The following CFAP77 variants were observed in gnomAD, a reference collection of about 807,000 sequenced individuals.
CFAP77 encodes the protein cilia and flagella associated protein 77.
In CFAP77, 25 loss-of-function variants were observed where a neutral mutation model predicts 31.1. The ratio of observed to expected loss-of-function variants is 0.80; its 90% CI spans 0.59 to 1.12. The LOEUF (loss-of-function observed/expected upper bound fraction) is 1.12, where lower values mean the gene tolerates loss of function less well. Among genes scored for constraint, CFAP77 ranks in the 50% most tolerant of loss-of-function variants. CFAP77 has a pLI of 0.00. For missense variants in CFAP77, 377 were observed against 397.3 expected (o/e 0.95, Z 0.44); for synonymous variants, 151 against 159.9 (o/e 0.94, Z 0.42).
chr9:132,562,537 T>C lies in CFAP77; in HGVS notation c.733-9851T>C, dbSNP rs894763974. On this transcript the variant is annotated intron_variant, in intron 5 of 5. Coordinates refer to ENST00000393216, the MANE Select transcript of CFAP77 (RefSeq NM_001282957.2). ...TCTGTAAATTTTTTTTCATGCAACG[T>C]TGGGTTTTTGAGATTCATGCACATT... 2.6e-5 allele frequency among the ~76,000 whole-genome samples: 4 copies of C among 152,066 alleles called. No individual in the cohort carries two copies. In the South Asian group the frequency reaches 8.3e-4, roughly 32 times the overall value.
At chr9:132,510,641 C>CCCAGCCAGGAGCCAG (rs1852020191) in intron 3 of CFAP77, among the ~76,000 whole-genome samples, 1 of 152,210 alleles carries the variant, frequency 6.6e-6, no homozygotes, top group Non-Finnish European at 1.5e-5. Context: ...CCAGGAGGAG[C>CCCAGCCAGGAGCCAG]TGCAGGCAGG....
chr9:132,495,482 G>A lies in CFAP77; in HGVS notation c.196-3213G>A, dbSNP rs1276809180. 6.6e-6 allele frequency among the ~76,000 whole-genome samples: 1 copy of A among 152,198 alleles called. No homozygotes were observed. The highest frequency in any genetic ancestry group is 1.5e-5 in the Non-Finnish European group (1 of 68,042). ...CAAATGAGAGGCCAGAGCTTTGTCT[G>A]TAACTCAGAGAGCATAGTATGGAAG... is the stretch of plus-strand genomic sequence containing the variant. On this transcript the variant is annotated intron_variant, in intron 1 of 5. Coordinates refer to ENST00000393216, the MANE Select transcript of CFAP77 (RefSeq NM_001282957.2). The surrounding 1 kb of genome is among the most constrained non-coding windows in gnomAD (Gnocchi z 4.2).
intron 1 of CFAP77, among the ~76,000 whole-genome samples, chr9:132,494,351 C>T (rs1851703080): frequency 6.6e-6 from 1 of 152,192 alleles, no homozygotes; most frequent in African/African-American, 2.4e-5. Context: ...GGATAGCACC[C>T]TCTCCCAAAC....
chr9:132,439,521 C>CTA (rs1850577275), intron 1 of CFAP77, among the ~76,000 whole-genome samples: 1 of 152,064 alleles, frequency 6.6e-6, no homozygotes, highest in African/African-American at 2.4e-5. Flanking sequence ...AAATCAGCTG[C>CTA]TGTTATAGTT....
chr9:132,568,542 G>A (rs1829916678), intron 5 of CFAP77, among the ~76,000 whole-genome samples: 1 of 136,428 alleles, frequency 7.3e-6, no homozygotes, highest in South Asian at 2.3e-4. Context: ...GGCAACAAGA[G>A]TGAAACTCCG....
At chr9:132,551,836 G>C (rs1263657067) in intron 5 of CFAP77, among the ~76,000 whole-genome samples, 7 of 152,182 alleles carry the variant, frequency 4.6e-5, no homozygotes. Context: ...AACTGAGGTC[G>C]GGGGCCAGTG....
At chr9:132,471,345 C>G (rs983531154) in intron 1 of CFAP77, among the ~76,000 whole-genome samples, 1 of 152,146 alleles carries the variant, frequency 6.6e-6, no homozygotes, top group Non-Finnish European at 1.5e-5. Flanking sequence ...GTTGCAGGAG[C>G]CCCAGAGCCT....
At position 132,490,098 on chromosome 9, in the gene CFAP77, C is replaced by T. The variant is rs967522155; in HGVS notation, c.196-8597C>T. ...GGTGCTGTATCCCCCAGGGTGGGGA[C>T]GAATGCCGTATCCTCGCATGACAGA... On this transcript the variant is annotated intron_variant, in intron 1 of 5. Coordinates refer to ENST00000393216, the MANE Select transcript of CFAP77 (RefSeq NM_001282957.2). The surrounding 1 kb of genome is among the most constrained non-coding windows in gnomAD (Gnocchi z 4.6). Among the ~76,000 whole-genome samples, 2 of 151,888 alleles carry T rather than the reference C, an allele frequency of 1.3e-5. No homozygotes were observed. The highest frequency in any genetic ancestry group is 1.9e-4 in the East Asian group (1 of 5,176).
At position 132,540,350 on chromosome 9, in the gene CFAP77, G is replaced by C. The variant is rs73659081; in HGVS notation, c.631-2596G>C. Among the ~76,000 whole-genome samples, 1,058 of 152,218 alleles carry C rather than the reference G, an allele frequency of 7.0e-3. 14 individuals are homozygous for C. The highest frequency in any genetic ancestry group is 0.024 in the African/African-American group (988 of 41,474). On this transcript the variant is annotated intron_variant, in intron 4 of 5. Coordinates refer to ENST00000393216, the MANE Select transcript of CFAP77 (RefSeq NM_001282957.2). ...TCAAGCAGAGCCCCCAAAACAGCTC[G>C]TGTGGTTTGGAGCAGGTACCAGCTC...
At chr9:132,563,794 A>G (rs1196880323) in intron 5 of CFAP77, among the ~76,000 whole-genome samples, 1 of 152,188 alleles carries the variant, frequency 6.6e-6, no homozygotes, top group Admixed American at 6.5e-5. Flanking sequence ...GTTATTACCA[A>G]TCCGATGTGT....
chr9:132,540,366 G>T (rs1852619670), intron 4 of CFAP77, among the ~76,000 whole-genome samples: 1 of 152,308 alleles, frequency 6.6e-6, no homozygotes, highest in South Asian at 2.1e-4. Context: ...TTTGGAGCAG[G>T]TACCAGCTCT....
At chr9:132,465,305 C>T (rs968461960) in intron 1 of CFAP77, among the ~76,000 whole-genome samples, 2 of 152,090 alleles carry the variant, frequency 1.3e-5, no homozygotes, top group African/African-American at 4.8e-5. Context: ...TCATGGAATT[C>T]ATGTGCGAGA....
In CFAP77 at chr9:132,499,063, C is replaced by T. The variant is rs1042291745; in HGVS notation, c.295+269C>T. Among the ~76,000 whole-genome samples, 2 of 152,176 alleles carry T rather than the reference C, an allele frequency of 1.3e-5. No homozygotes were observed. Among genetic ancestry groups the T allele is most frequent in the South Asian group, 4.1e-4 (2 of 4,834 alleles). On this transcript the variant is annotated intron_variant, in intron 2 of 5. Coordinates refer to ENST00000393216, the MANE Select transcript of CFAP77 (RefSeq NM_001282957.2). The surrounding 1 kb of genome is among the most constrained non-coding windows in gnomAD (Gnocchi z 5.4). ...CCCCGCCGCCGGCAGGGACTGTGTG[C>T]ACTATGCTGCTCACGTTACAAGAAT...
At chr9:132,519,555 AATGGATGGATGGATGGATAG>A (rs1485333824) in intron 3 of CFAP77, among the ~76,000 whole-genome samples, 13 of 17,924 alleles carry the variant, frequency 7.3e-4, no homozygotes, top group African/African-American at 2.3e-3. Flanking sequence ...TAGATGGATG[AATGGATGGATGGATGGATAG>A]ATGGATGGAT....
chr9:132,499,400 G>C lies in CFAP77; in HGVS notation c.324G>C (p.Gln108His), dbSNP rs1370277879. ...TCGGACGCTGGAACGTGTTCAAGCAGCAGCCCACCTGCCCCCACGAGCTGA... is the reference window on the plus strand; with the variant it reads ...TCGGACGCTGGAACGTGTTCAAGCACCAGCCCACCTGCCCCCACGAGCTGA... ...EAIGRWNVFKQQPTCPHELTR... is the reference protein window; with the variant it reads ...EAIGRWNVFKHQPTCPHELTR... The change falls in exon 3 of 6, where the codon CAG (glutamine) becomes CAC (histidine). Residue 108 changes from glutamine (Q) to histidine (H), a missense_variant. Physicochemically the swap from Gln to His is conservative, Grantham distance 24 (BLOSUM62 0). Coordinates refer to ENST00000393216, the MANE Select transcript of CFAP77 (RefSeq NM_001282957.2). The surrounding 1 kb of genome is among the most constrained non-coding windows in gnomAD (Gnocchi z 5.4). 1 of 1,614,206 alleles carries C rather than the reference G, an allele frequency of 6.2e-7. No individual in the cohort carries two copies. The highest frequency in any genetic ancestry group is 1.7e-5 in the Admixed American group (1 of 60,034).
At chr9:132,474,262 G>GT (rs1157271383) in intron 1 of CFAP77, among the ~76,000 whole-genome samples, 3 of 152,124 alleles carry the variant, frequency 2.0e-5, no homozygotes, top group African/African-American at 7.2e-5. Context: ...GAAGAGTGTG[G>GT]TTTTCCAAGC....
At chr9:132,438,582 G>T (rs563166402) in intron 1 of CFAP77, among the ~76,000 whole-genome samples, 22 of 136,912 alleles carry the variant, frequency 1.6e-4, no homozygotes, top group African/African-American at 5.7e-4. Flanking sequence ...AGTCATCCAG[G>T]CTGGAATGTG....
intron 1 of CFAP77, among the ~76,000 whole-genome samples, chr9:132,448,176 T>A (rs1177443064): frequency 6.8e-6 from 1 of 148,030 alleles, no homozygotes; most frequent in Admixed American, 6.7e-5. Context: ...CACGCACACA[T>A]GCACACACAC....
rs1160034189 is a variant in CFAP77, at chr9:132,572,653, T to C, written c.*143T>C. On this transcript the variant is annotated 3_prime_UTR_variant, in exon 6 of 6. Transcript: ENST00000393216. Reference sequence around the variant, plus strand: ...AGCTCAGATTCAAGTCTTAGGCTAATTGTTTTTGGTAAAAGTCCCCCCTTT... The same window carrying C: ...AGCTCAGATTCAAGTCTTAGGCTAACTGTTTTTGGTAAAAGTCCCCCCTTT... 1.2e-6 allele frequency: 1 copy of C among 863,276 alleles called. No homozygotes were observed. The highest frequency in any genetic ancestry group is 2.8e-5 in the East Asian group (1 of 35,110). The allele number at this position is 863,276 out of a possible 1,614,324, so 53.5% of individuals were successfully genotyped here.
Sources: allele counts gnomAD v4.1 joint callset (sites outside exome capture counted in the v4.1 genomes callset), GRCh38; gene constraint gnomAD v4.1.1; non-coding constraint Gnocchi (gnomAD v3.1); transcripts MANE v1.5; gene names NCBI Gene and HGNC (gene_info 2026-07-23, HGNC 2026-07-21).